PIK3C2A: variants seen among roughly 807,000 people sequenced by gnomAD.
The protein encoded by PIK3C2A is phosphatidylinositol-4-phosphate 3-kinase catalytic subunit type 2 alpha, also known as phosphatidylinositol 4-phosphate 3-kinase C2 domain-containing subunit alpha.
A neutral mutation model predicts 204.5 loss-of-function variants in PIK3C2A; 97 were observed. The observed-to-expected ratio is 0.47, with a 90% CI of 0.40 to 0.56. PIK3C2A has a LOEUF of 0.56. Ranked by LOEUF, PIK3C2A falls within the 20% of genes least tolerant of loss-of-function variation. The pLI is 0.00. For synonymous variants in PIK3C2A, 653 were observed against 664.4 expected (o/e 0.98, Z 0.26); for missense variants, 1,735 against 1,969.2 (o/e 0.88, Z 2.25).
At chr11:17,177,759 G>A (rs1279359082) in intron 1 of PIK3C2A, among the ~76,000 whole-genome samples, 2 of 152,110 alleles carry the variant, frequency 1.3e-5, no homozygotes, top group African/African-American at 4.8e-5. Context: ...AGAATGTCCA[G>A]GTATTTGATG....
chr11:17,147,887 T>G (rs1251738607), intron 5 of PIK3C2A, among the ~76,000 whole-genome samples: 1 of 152,028 alleles, frequency 6.6e-6, no homozygotes, highest in Admixed American at 6.6e-5. Flanking sequence ...CCTAGGAGAA[T>G]AAAATCTGTA....
intron 8 of PIK3C2A, chr11:17,137,992 C>G: frequency 1.7e-6 from 1 of 589,914 alleles, no homozygotes; most frequent in Admixed American, 2.2e-5. Context: ...AGCTTTCTGA[C>G]TCCCTGCTTG....
At chr11:17,153,934 A>C (rs1478488934) in intron 3 of PIK3C2A, among the ~76,000 whole-genome samples, 1 of 152,220 alleles carries the variant, frequency 6.6e-6, no homozygotes, top group Non-Finnish European at 1.5e-5. Flanking sequence ...ACCACAGGGG[A>C]AGTTCCTAGA....
At chr11:17,101,972 A>C (rs1039987215) in intron 24 of PIK3C2A, among the ~76,000 whole-genome samples, 3 of 152,156 alleles carry the variant, frequency 2.0e-5, no homozygotes, top group Non-Finnish European at 4.4e-5. Flanking sequence ...TTATGTATGA[A>C]ATTTCCTTAC....
At chr11:17,121,263 G>A (rs565835377) in intron 15 of PIK3C2A, among the ~76,000 whole-genome samples, 1 of 151,454 alleles carries the variant, frequency 6.6e-6, no homozygotes, top group South Asian at 2.1e-4. Flanking sequence ...GACTACAGAT[G>A]CACAACACTG....
At chr11:17,161,926 C>A (rs1286799083) in intron 2 of PIK3C2A, among the ~76,000 whole-genome samples, 1 of 152,174 alleles carries the variant, frequency 6.6e-6, no homozygotes, top group Non-Finnish European at 1.5e-5. Flanking sequence ...CAGCCTATTA[C>A]CAGTGTTCAG....
At chr11:17,164,341 G>A (rs1850878718) in intron 2 of PIK3C2A, among the ~76,000 whole-genome samples, 1 of 144,034 alleles carries the variant, frequency 6.9e-6, no homozygotes, top group Non-Finnish European at 1.5e-5. Context: ...AAAACAGTGT[G>A]AGACCCTGTC....
At chr11:17,138,929 C>T (rs1174843914) in intron 8 of PIK3C2A, among the ~76,000 whole-genome samples, 10 of 151,480 alleles carry the variant, frequency 6.6e-5, no homozygotes, top group Middle Eastern at 3.4e-3. Context: ...TTTTTTGAGA[C>T]GAAATCTCGC....
Position 17,102,975 on chromosome 11 carries a change from T to C in PIK3C2A, c.3682-144A>G, listed in dbSNP as rs890355671. 3 of 555,408 alleles carry C rather than the reference T, an allele frequency of 5.4e-6. No individual in the cohort carries two copies. The African/African-American group carries it at 5.8e-5, about 11-fold the overall frequency. The allele number at this position is 555,408 out of a possible 1,614,324, so 34.4% of individuals were successfully genotyped here. A position where few individuals can be genotyped will look rare whatever the true frequency, so the allele number is the denominator to read the frequency against. On this transcript the variant is annotated intron_variant, in intron 23 of 32. Coordinates refer to ENST00000691414, the MANE Select transcript of PIK3C2A (RefSeq NM_002645.4). ...TAGCATACAAACTGGGATATAGTAA[T>C]AAAAGCCAATCTTTTCATATTTCAA...
intron 1 of PIK3C2A, among the ~76,000 whole-genome samples, chr11:17,171,899 C>T (rs973919042): frequency 6.6e-6 from 1 of 152,122 alleles, no homozygotes; most frequent in African/African-American, 2.4e-5. Context: ...GTGCCTGGCT[C>T]TTACAATTTA....
chr11:17,132,630 ATTTAC>A (rs199585248), intron 11 of PIK3C2A, among the ~76,000 whole-genome samples: 4,853 of 152,266 alleles, frequency 0.032, 248 homozygotes, highest in African/African-American at 0.11. Context: ...CGCCCGGCCA[ATTTAC>A]TTTAATTTTG....
intron 2 of PIK3C2A, among the ~76,000 whole-genome samples, chr11:17,166,168 A>G (rs1346603307): frequency 6.6e-6 from 1 of 152,168 alleles, no homozygotes; most frequent in African/African-American, 2.4e-5. Context: ...AGTTTCCTCA[A>G]CTGTAAAATA....
At chr11:17,165,108 A>T (rs1477093860) in intron 2 of PIK3C2A, among the ~76,000 whole-genome samples, 2 of 152,128 alleles carry the variant, frequency 1.3e-5, no homozygotes, top group Non-Finnish European at 2.9e-5. Context: ...AAGCATTAAC[A>T]ACCTGTGCTT....
chr11:17,114,253 C>G (rs1360110951), intron 20 of PIK3C2A, 108 bp downstream of exon 20: 3 of 601,246 alleles, frequency 5.0e-6, no homozygotes, highest in Non-Finnish European at 9.0e-6. Flanking sequence ...ATGCTTATAA[C>G]CAACCTGTGC....
chr11:17,116,173 T>G (rs1849183139), intron 19 of PIK3C2A, among the ~76,000 whole-genome samples: 1 of 152,154 alleles, frequency 6.6e-6, no homozygotes, highest in African/African-American at 2.4e-5. Flanking sequence ...GTATCCAAAA[T>G]ATATAAATAA....
chr11:17,102,864 T>G, intron 23 of PIK3C2A, 33 bp from the exon 24 acceptor site: 1 of 1,406,422 alleles, frequency 7.1e-7, no homozygotes. Flanking sequence ...TTTTAGAAAA[T>G]GAATTATTTT....
At chr11:17,184,122 T>C (rs1361471343) in intron 1 of PIK3C2A, among the ~76,000 whole-genome samples, 2 of 151,122 alleles carry the variant, frequency 1.3e-5, no homozygotes, top group East Asian at 1.9e-4. Context: ...ATCCTGTCTC[T>C]AAAAAGAAAA....
In PIK3C2A at chr11:17,169,794, A is replaced by G. The variant is rs1851100946; in HGVS notation, c.-53T>C. The G allele has an allele frequency of 8.2e-7, 1 of 1,223,214 alleles. No individual in the cohort carries two copies. The highest frequency in any genetic ancestry group is 1.1e-6 in the Non-Finnish European group (1 of 875,972). The allele number at this position is 1,223,214 out of a possible 1,614,324, so 75.8% of individuals were successfully genotyped here. On this transcript the variant is annotated 5_prime_UTR_variant, in exon 2 of 33. Coordinates refer to ENST00000691414, the MANE Select transcript of PIK3C2A (RefSeq NM_002645.4). ...CCTCTATTTTTTTCTTGTAGCTTCC[A>G]AAATAGCAAGGCCTATACATAAAAA...
intron 4 of PIK3C2A, 65 bp downstream of exon 4, chr11:17,150,433 A>G: frequency 7.4e-7 from 1 of 1,354,804 alleles, no homozygotes. Context: ...GAATGATAAT[A>G]TTGATATTTT....
Sources: allele counts gnomAD v4.1 joint callset (sites outside exome capture counted in the v4.1 genomes callset), GRCh38; gene constraint gnomAD v4.1.1; transcripts MANE v1.5; gene names NCBI Gene and HGNC (gene_info 2026-07-23, HGNC 2026-07-21).